The following HIVEP3 variants were observed in gnomAD, a reference collection of about 807,000 sequenced individuals.
The protein encoded by HIVEP3 is HIVEP zinc finger 3.
A neutral mutation model predicts 152.8 loss-of-function variants in HIVEP3; 49 were observed. The observed-to-expected ratio is 0.32, with a 90% confidence interval of 0.26 to 0.41. The LOEUF (loss-of-function observed/expected upper bound fraction) is 0.41, where lower values mean the gene tolerates loss of function less well. Among genes scored for constraint, HIVEP3 ranks in the 10% least tolerant of loss-of-function variants. HIVEP3 has a pLI of 1.00. For synonymous variants in HIVEP3, 1,269 were observed against 1,289.0 expected (o/e 0.98, Z 0.33); for missense variants, 2,790 against 3,103.3 (o/e 0.90, Z 2.40).
At chr1:41,991,295 A>T (rs1645359332) in intron 1 of HIVEP3, among the ~76,000 whole-genome samples, 1 of 151,586 alleles carries the variant, frequency 6.6e-6, no homozygotes, top group African/African-American at 2.4e-5. Flanking sequence ...AATAGATGCA[A>T]TAAAAAATGA....
chr1:41,694,715 A>G (rs992213432), intron 2 of HIVEP3, among the ~76,000 whole-genome samples: 12 of 152,194 alleles, frequency 7.9e-5, no homozygotes, highest in African/African-American at 2.9e-4. Context: ...GCAGGCTCTC[A>G]GGCCCTAAAA....
chr1:41,998,949 G>A (rs528512021), intron 1 of HIVEP3, among the ~76,000 whole-genome samples: 5 of 127,754 alleles, frequency 3.9e-5, no homozygotes, highest in East Asian at 2.6e-4. Flanking sequence ...AGACTGGAGC[G>A]CAATGGTGCG....
At chr1:41,553,479 G>A (rs1303909240) in intron 5 of HIVEP3, among the ~76,000 whole-genome samples, 1 of 152,140 alleles carries the variant, frequency 6.6e-6, no homozygotes, top group African/African-American at 2.4e-5. Context: ...TCTTTTAATT[G>A]GGGCATTTAG....
intron 1 of HIVEP3, among the ~76,000 whole-genome samples, chr1:41,860,135 A>T (rs1296244516): frequency 6.6e-6 from 1 of 152,218 alleles, no homozygotes; most frequent in East Asian, 1.9e-4. Context: ...CCCAAGGTGG[A>T]TTTGATGCCT....
chr1:41,731,417 C>T (rs1046536006), intron 1 of HIVEP3, among the ~76,000 whole-genome samples: 11 of 152,202 alleles, frequency 7.2e-5, no homozygotes, highest in African/African-American at 2.4e-4. Context: ...ACAACCCATG[C>T]ACAGCAGGTG....
rs117979514 is a variant in HIVEP3 at position 41,797,229 on chromosome 1, T to C, written c.-800-96234A>G. Among the ~76,000 whole-genome samples, 110 of 152,354 alleles carry C rather than the reference T, an allele frequency of 7.2e-4. 1 individual carries two copies. In the East Asian group the frequency reaches 0.019, roughly 27 times the overall value. The stretch of plus-strand genomic sequence containing the variant: ...GTCCAGCATGAAGCTAAGGAGCTTA[T>C]GCTCCAGGAAGCTCCTGCTCATTTT... On this transcript the variant is annotated intron_variant, in intron 1 of 8. Coordinates refer to ENST00000372583, the MANE Select transcript of HIVEP3 (RefSeq NM_024503.5).
At position 41,709,684 on chromosome 1, in the gene HIVEP3, T is replaced by C. The variant is rs147038110; in HGVS notation, c.-800-8689A>G. On this transcript the variant is annotated intron_variant, in intron 1 of 8. Transcript: ENST00000372583. ...TCATGTGGGGCTCTGGCTTTGTAGA[T>C]AATTGGAGTCTTAGGCAGGGAAATT... Among the ~76,000 whole-genome samples the C allele has an allele frequency of 1.7e-3, 257 of 152,272 alleles. 3 individuals are homozygous for C. Among genetic ancestry groups the C allele is most frequent in the African/African-American group, 5.8e-3 (242 of 41,556 alleles).
intron 1 of HIVEP3, among the ~76,000 whole-genome samples, chr1:41,707,801 A>G (rs1265730808): frequency 6.6e-6 from 1 of 152,250 alleles, no homozygotes; most frequent in Non-Finnish European, 1.5e-5. Flanking sequence ...TTGTGGGAAG[A>G]ATAAAATGAT....
intron 1 of HIVEP3, among the ~76,000 whole-genome samples, chr1:42,012,186 C>A (rs1645496416): frequency 6.6e-6 from 1 of 152,170 alleles, no homozygotes; most frequent in South Asian, 2.1e-4. Flanking sequence ...TCTACACTGC[C>A]ATGTTTTATT....
At chr1:41,698,421 T>C (rs1276895668) in intron 2 of HIVEP3, among the ~76,000 whole-genome samples, 1 of 152,170 alleles carries the variant, frequency 6.6e-6, no homozygotes, top group Non-Finnish European at 1.5e-5. Context: ...TGCCTTCAAT[T>C]CCAGTCGAGA....
chr1:41,838,115 T>C (rs911076075), intron 1 of HIVEP3, among the ~76,000 whole-genome samples: 1 of 152,210 alleles, frequency 6.6e-6, no homozygotes, highest in Non-Finnish European at 1.5e-5. Context: ...CTTATATATA[T>C]ATTTTAATTG....
intron 2 of HIVEP3, among the ~76,000 whole-genome samples, chr1:41,690,734 A>G (rs891189265): frequency 6.6e-6 from 1 of 152,174 alleles, no homozygotes; most frequent in Admixed American, 6.5e-5. Context: ...CCTGGCCAAC[A>G]TGGTGAAACG....
chr1:42,009,152 C>T (rs976115340), intron 1 of HIVEP3, among the ~76,000 whole-genome samples: 1 of 152,184 alleles, frequency 6.6e-6, no homozygotes, highest in Non-Finnish European at 1.5e-5. Context: ...TTTCAGAAAA[C>T]GTGAGTATAG....
In HIVEP3 at chr1:41,513,470, C is replaced by G. The variant is rs779376927; in HGVS notation, c.5751G>C (p.Ser1917=). 5.0e-6 allele frequency: 8 copies of G among 1,611,016 alleles called. No homozygotes were observed. The highest frequency in any genetic ancestry group is 1.7e-4 in the Middle Eastern group (1 of 5,994). ...ASGTEATRGS[S]VSEAERLTAS... ...CTGTCAGGCGCTCAGCTTCCGAGAC[C>G]GAGCTGCCTCGTGTAGCCTCCGTGC... The change falls in exon 8 of 9, where the codon TCG becomes TCC. Residue 1917 remains serine, a synonymous_variant. Transcript: ENST00000372583.
chr1:41,862,161 G>A (rs1205908218), intron 1 of HIVEP3, among the ~76,000 whole-genome samples: 5 of 152,128 alleles, frequency 3.3e-5, no homozygotes, highest in East Asian at 1.9e-4. Flanking sequence ...ACGAGGCTAC[G>A]GACAATGCTT....
chr1:42,034,924 A>G (rs1569575223), intron 1 of HIVEP3, among the ~76,000 whole-genome samples: 2 of 152,134 alleles, frequency 1.3e-5, no homozygotes. Flanking sequence ...AGCCTCCTCG[A>G]GCAACCAGAA....
chr1:41,739,605 G>T (rs186077853), intron 1 of HIVEP3, among the ~76,000 whole-genome samples: 2 of 152,266 alleles, frequency 1.3e-5, no homozygotes, highest in Admixed American at 6.5e-5. Context: ...CTCTTGGAAG[G>T]AAGTCTTGGC....
intron 1 of HIVEP3, among the ~76,000 whole-genome samples, chr1:41,980,739 C>G (rs1211452456): frequency 6.6e-6 from 1 of 152,044 alleles, no homozygotes; most frequent in Admixed American, 6.5e-5. Context: ...TGAATGGAAC[C>G]GTCTGAGGGC....
intron 2 of HIVEP3, among the ~76,000 whole-genome samples, chr1:41,659,294 C>A (rs1645676477): frequency 6.6e-6 from 1 of 152,216 alleles, no homozygotes; most frequent in South Asian, 2.1e-4. Flanking sequence ...TCTGGGCCCC[C>A]ACGTGTAGCT....
Sources: allele counts gnomAD v4.1 joint callset (sites outside exome capture counted in the v4.1 genomes callset), GRCh38; gene constraint gnomAD v4.1.1; transcripts MANE v1.5; gene names NCBI Gene and HGNC (gene_info 2026-07-23, HGNC 2026-07-21).